Variants in TENM3 observed in about 807,000 individuals in gnomAD.
The protein encoded by TENM3 is teneurin-3.
A neutral mutation model predicts 255.1 loss-of-function variants in TENM3; 63 were observed. The ratio of observed to expected loss-of-function variants is 0.25; its 90% CI spans 0.20 to 0.30. The LOEUF (loss-of-function observed/expected upper bound fraction) is 0.30, where lower values mean the gene tolerates loss of function less well. Among genes scored for constraint, TENM3 ranks in the 10% least tolerant of loss-of-function variants. The pLI is 1.00. For missense variants in TENM3, 2,929 were observed against 3,461.1 expected, an observed-to-expected ratio of 0.85 and a Z score of 3.86; for synonymous variants, 1,306 against 1,322.3, an observed-to-expected ratio of 0.99 and a Z score of 0.27.
chr4:181,986,675 C>G, the TENM3 span, among the ~76,000 whole-genome samples: 11 of 152,032 alleles, frequency 7.2e-5, no homozygotes, highest in African/African-American at 2.2e-4. Context: ...CTCTCACTCC[C>G]CCTGTCATCT....
the TENM3 span, among the ~76,000 whole-genome samples, chr4:181,838,537 T>TA: frequency 3.4e-4 from 52 of 152,270 alleles, no homozygotes; most frequent in Non-Finnish European, 4.9e-4. Context: ...ACCAAACTTG[T>TA]AAAAAAGACT....
the TENM3 span, among the ~76,000 whole-genome samples, chr4:181,590,654 A>G: frequency 2.1e-4 from 32 of 152,362 alleles, no homozygotes; most frequent in Non-Finnish European, 3.8e-4. Context: ...ACAGAAAACA[A>G]TAGAGGAATT....
At chr4:181,907,171 A>G in the TENM3 span, among the ~76,000 whole-genome samples, 3 of 152,206 alleles carry the variant, frequency 2.0e-5, no homozygotes, top group Non-Finnish European at 2.9e-5. Flanking sequence ...TTTAATAGAA[A>G]TCAGAATGCA....
the TENM3 span, among the ~76,000 whole-genome samples, chr4:181,921,916 C>A: frequency 5.7e-3 from 872 of 152,170 alleles, 10 homozygotes; most frequent in African/African-American, 0.019. Flanking sequence ...CCCATCAATA[C>A]CTAATTTATT....
chr4:182,711,184 T>A (rs1301642732), intron 12 of TENM3, among the ~76,000 whole-genome samples: 1 of 152,242 alleles, frequency 6.6e-6, no homozygotes. Context: ...GCTTATTTAT[T>A]AACTTTTAAA....
chr4:182,762,982 G>GTTC (rs77050297), intron 22 of TENM3, among the ~76,000 whole-genome samples: 10,571 of 143,236 alleles, frequency 0.074, 511 homozygotes, highest in Admixed American at 0.14. Flanking sequence ...TGAAGCCATG[G>GTTC]TTCTTCAAGA....
the TENM3 span, among the ~76,000 whole-genome samples, chr4:182,035,343 C>T: frequency 0.025 from 3,733 of 152,194 alleles, 157 homozygotes; most frequent in African/African-American, 0.081. Flanking sequence ...TAAACAAATT[C>T]GATCAGTGAA....
At chr4:181,553,730 C>T in the TENM3 span, among the ~76,000 whole-genome samples, 1 of 152,208 alleles carries the variant, frequency 6.6e-6, no homozygotes, top group East Asian at 1.9e-4. Context: ...CGTGAGCCAC[C>T]GCGCCCGGCC....
At chr4:182,011,398 T>C in the TENM3 span, among the ~76,000 whole-genome samples, 9 of 152,272 alleles carry the variant, frequency 5.9e-5, no homozygotes, top group East Asian at 1.7e-3. Context: ...CTTATATTCA[T>C]TCATTTCTCC....
intron 3 of TENM3, among the ~76,000 whole-genome samples, chr4:182,509,173 A>G (rs1390223988): frequency 2.0e-5 from 3 of 152,230 alleles, no homozygotes; most frequent in Non-Finnish European, 4.4e-5. Context: ...AGTCTAGTAT[A>G]AATGGATTTC....
At chr4:182,390,733 G>A (rs1768368514) in intron 3 of TENM3, among the ~76,000 whole-genome samples, 1 of 152,154 alleles carries the variant, frequency 6.6e-6, no homozygotes, top group African/African-American at 2.4e-5. Flanking sequence ...CACCTTGTCA[G>A]TTTATAGATC....
At chr4:181,645,332 A>G in the TENM3 span, among the ~76,000 whole-genome samples, 2 of 152,172 alleles carry the variant, frequency 1.3e-5, no homozygotes, top group Non-Finnish European at 2.9e-5. Flanking sequence ...GGCGAAGAAC[A>G]TCAGCATGGT....
chr4:181,638,208 A>T, the TENM3 span, among the ~76,000 whole-genome samples: 19 of 152,206 alleles, frequency 1.2e-4, no homozygotes, highest in East Asian at 1.2e-3. Flanking sequence ...TCCCACACAG[A>T]CTGACATAGT....
At chr4:182,034,088 G>C in the TENM3 span, among the ~76,000 whole-genome samples, 6 of 152,176 alleles carry the variant, frequency 3.9e-5, no homozygotes, top group South Asian at 6.2e-4. Flanking sequence ...AAGCCAAGGC[G>C]TGTTGTACAT....
chr4:181,690,453 A>G, the TENM3 span, among the ~76,000 whole-genome samples: 1 of 152,240 alleles, frequency 6.6e-6, no homozygotes, highest in Non-Finnish European at 1.5e-5. Flanking sequence ...CCAGGGATAT[A>G]TAACTGAGGT....
chr4:182,089,732 T>C, the TENM3 span, among the ~76,000 whole-genome samples: 1 of 152,210 alleles, frequency 6.6e-6, no homozygotes, highest in Non-Finnish European at 1.5e-5. Flanking sequence ...TAAACAATAT[T>C]TGCCTAATTT....
chr4:181,778,293 C>T, the TENM3 span, among the ~76,000 whole-genome samples: 2 of 152,084 alleles, frequency 1.3e-5, no homozygotes, highest in African/African-American at 4.8e-5. Flanking sequence ...TTTTCTTATT[C>T]TTAGTTTATA....
At chr4:182,433,121 A>G (rs1239207683) in intron 3 of TENM3, among the ~76,000 whole-genome samples, 1 of 152,164 alleles carries the variant, frequency 6.6e-6, no homozygotes, top group African/African-American at 2.4e-5. Flanking sequence ...TAGCAGAGGT[A>G]GTGATTGTGG....
intron 5 of TENM3, among the ~76,000 whole-genome samples, chr4:182,634,379 G>C (rs1356080306): frequency 1.3e-5 from 2 of 152,132 alleles, no homozygotes; most frequent in Non-Finnish European, 2.9e-5. Flanking sequence ...AAGCAGAATT[G>C]AGAAACCTTA....
Sources: allele counts gnomAD v4.1 joint callset (sites outside exome capture counted in the v4.1 genomes callset), GRCh38; gene constraint gnomAD v4.1.1; transcripts MANE v1.5; gene names NCBI Gene and HGNC (gene_info 2026-07-23, HGNC 2026-07-21).